OTUB1: variants seen among roughly 807,000 people sequenced by gnomAD.
The protein encoded by OTUB1 is ubiquitin thioesterase OTUB1.
Under a neutral mutation model 35.8 loss-of-function variants are expected in OTUB1, and 10 were observed. The ratio of observed to expected loss-of-function variants is 0.28; its 90% CI spans 0.17 to 0.47. OTUB1 has a LOEUF of 0.47. Ranked by LOEUF, OTUB1 falls within the 20% of genes least tolerant of loss-of-function variation. The pLI is 0.99. For synonymous variants in OTUB1, 158 were observed against 143.8 expected (o/e 1.10, Z -0.71); for missense variants, 264 against 351.6 (o/e 0.75, Z 1.99).
intron 2 of OTUB1, 22 bp from the exon 3 acceptor site, chr11:63,988,632 G>T: frequency 6.3e-7 from 1 of 1,576,644 alleles, no homozygotes; most frequent in South Asian, 1.1e-5. Flanking sequence ...GCTAGGACAT[G>T]ACAGATCCCT....
intron 3 of OTUB1, 71 bp downstream of exon 3, chr11:63,988,823 C>T (rs1306755617): frequency 4.2e-6 from 4 of 957,486 alleles, no homozygotes; most frequent in Non-Finnish European, 6.8e-6. Flanking sequence ...TTCAGACTTG[C>T]TTCCTGCTGG....
At chr11:63,989,015 A>AG in intron 3 of OTUB1, 1 of 309,158 alleles carries the variant, frequency 3.2e-6, no homozygotes. Flanking sequence ...ACTTCATCTC[A>AG]GAAAAAAAAA....
chr11:63,988,975 T>C, intron 3 of OTUB1: 1 of 473,412 alleles, frequency 2.1e-6, no homozygotes, highest in Non-Finnish European at 3.8e-6. Flanking sequence ...GATCACACCA[T>C]TGCACTCCAG....
In OTUB1 at chr11:63,988,772, G is replaced by T; in HGVS notation, c.219+20G>T. On this transcript the variant is annotated intron_variant, in intron 3 of 6. Transcript: ENST00000538426. ...ATCAAGGTGGGAGCCTGGCCAGAGC[G>T]GGTGGGAAGCACCCTGGGGGTGGGG... 3 of 1,550,162 alleles carry T rather than the reference G, an allele frequency of 1.9e-6. No homozygotes were observed. The highest frequency in any genetic ancestry group is 1.1e-5 in the South Asian group (1 of 89,784).
chr11:63,987,566 C>G (rs1162161693), intron 1 of OTUB1, among the ~76,000 whole-genome samples: 1 of 152,162 alleles, frequency 6.6e-6, no homozygotes, highest in Non-Finnish European at 1.5e-5. Context: ...ATGTGGTAGC[C>G]AAGGAGAGGT....
chr11:63,997,467 C>T lies in OTUB1; in HGVS notation c.737C>T (p.Pro246Leu), dbSNP rs753233012. ...MDRGEGGTTNPHIFPEGSEPK... is the reference protein window; with the variant it reads ...MDRGEGGTTNLHIFPEGSEPK... ...CGCGGCGAGGGCGGCACCACCAATC[C>T]GCACATCTTCCCTGAGGGCTCCGAG... The change falls in exon 7 of 7, where the codon CCG (proline) becomes CTG (leucine). Residue 246 changes from proline (P) to leucine (L), a missense_variant. Physicochemically the swap from Pro to Leu is moderately conservative, Grantham distance 98. Around this residue, in one of 2 missense-constraint regions of OTUB1, gnomAD observed 214 missense variants for 317.1 expected, o/e 0.67. Transcript: ENST00000538426. 3.1e-6 allele frequency: 5 copies of T among 1,614,138 alleles called. No homozygotes were observed. Among genetic ancestry groups the T allele is most frequent in the African/African-American group, 1.3e-5 (1 of 75,052 alleles).
intron 3 of OTUB1, chr11:63,990,584 TTAAAAAAATAAAAAAATAAA>T (rs1182669834): frequency 2.9e-4 from 29 of 101,512 alleles, no homozygotes; most frequent in African/African-American, 1.6e-3. Context: ...GACCTGTCTC[TTAAAAAAATAAAAAAATAAA>T]TAAATAAATA....
Position 63,997,924 on chromosome 11 carries a change from C to G in OTUB1, c.*378C>G, listed in dbSNP as rs1942740895. The G allele has an allele frequency of 3.3e-6, 2 of 603,516 alleles. No individual in the cohort carries two copies. The highest frequency in any genetic ancestry group is 5.5e-5 in the East Asian group (2 of 36,298). 37.4% of individuals were successfully genotyped at this position (603,516 alleles called of 1,614,324 possible). A position where few individuals can be genotyped will look rare whatever the true frequency, so the allele number is the denominator to read the frequency against. ...GGGCTTCTATGGGATCCTGGAAGTT[C>G]CTTAGGGACTTGCCCAGGGTCCCAG... is the stretch of plus-strand genomic sequence containing the variant. On this transcript the variant is annotated 3_prime_UTR_variant, in exon 7 of 7. Transcript: ENST00000538426.
At chr11:63,986,789 T>G in intron 1 of OTUB1, 1 of 420,560 alleles carries the variant, frequency 2.4e-6, no homozygotes, top group Non-Finnish European at 4.2e-6. Context: ...CTCCGCCCTC[T>G]GCCCAACCCC....
Position 63,997,501 on chromosome 11 carries a change from C to T in OTUB1, c.771C>T (p.Val257=), listed in dbSNP as rs1392991029. 2.5e-6 allele frequency: 4 copies of T among 1,614,006 alleles called. 1 individual carries two copies. Among genetic ancestry groups the T allele is most frequent in the Admixed American group, 3.3e-5 (2 of 60,008 alleles). ...HIFPEGSEPK[V]YLLYRPGHYD... is the part of the protein sequence containing the mutation. The stretch of plus-strand genomic sequence containing the variant: ...TCCCTGAGGGCTCCGAGCCCAAGGT[C>T]TACCTTCTCTACCGGCCTGGACACT... Residue 257 remains valine, a synonymous_variant, in exon 7 of 7, where the codon GTC becomes GTT. Coordinates refer to ENST00000538426, the MANE Select transcript of OTUB1 (RefSeq NM_017670.3).
At position 63,998,031 on chromosome 11, in the gene OTUB1, CACCGG is replaced by C; in HGVS notation, c.*486_*490del. ...CCCCAGACCCCAGCTTCCTGCCCTC[CACCGG>C]GAGTCTGCATGGTTGGGAGTCCTGG... On this transcript the variant is annotated 3_prime_UTR_variant, in exon 7 of 7. Coordinates refer to ENST00000538426, the MANE Select transcript of OTUB1 (RefSeq NM_017670.3). 1 of 506,556 alleles carries C rather than the reference CACCGG, an allele frequency of 2.0e-6. No individual in the cohort carries two copies. Among genetic ancestry groups the C allele is most frequent in the Non-Finnish European group, 3.5e-6 (1 of 282,154 alleles). 31.4% of individuals were successfully genotyped at this position (506,556 alleles called of 1,614,324 possible). A position where few individuals can be genotyped will look rare whatever the true frequency, so the allele number is the denominator to read the frequency against.
rs775649223 is a variant in OTUB1 at position 63,988,801 on chromosome 11, G to A, written c.219+49G>A. 65 of 1,218,770 alleles carry A rather than the reference G, an allele frequency of 5.3e-5. No individual in the cohort carries two copies. In the Middle Eastern group the frequency reaches 6.6e-4, roughly 12 times the overall value. 75.5% of individuals were successfully genotyped at this position (1,218,770 alleles called of 1,614,324 possible). ...GGGAAGCACCCTGGGGGTGGGGCAG[G>A]AGGGTGCCTGCTTCAGACTTGCTTC... On this transcript the variant is annotated intron_variant, in intron 3 of 6. Coordinates refer to ENST00000538426, the MANE Select transcript of OTUB1 (RefSeq NM_017670.3).
At position 63,988,723 on chromosome 11, in the gene OTUB1, G is replaced by A; in HGVS notation, c.190G>A (p.Asp64Asn). ...LSVLYKEYAE[D>N]DNIYQQKIKD... ...GGTCCTATACAAGGAGTATGCTGAA[G>A]ATGACAACATCTATCAACAGAAGAT... The change falls in exon 3 of 7, where the codon GAT becomes AAT. Residue 64 changes from aspartate to asparagine, a missense_variant. Physicochemically the swap from Asp to Asn is conservative, Grantham distance 23. This residue lies in a region of OTUB1 where 214 missense variants were observed against 317.1 expected (regional missense o/e 0.67). Transcript: ENST00000538426. 4.3e-6 allele frequency: 7 copies of A among 1,612,836 alleles called. No homozygotes were observed. Among genetic ancestry groups the A allele is most frequent in the Non-Finnish European group, 5.9e-6 (7 of 1,179,362 alleles).
chr11:63,996,701 CG>C, intron 4 of OTUB1, 53 bp downstream of exon 4: 1 of 1,613,644 alleles, frequency 6.2e-7, no homozygotes, highest in Non-Finnish European at 8.5e-7. Flanking sequence ...ACCTCCTCCC[CG>C]GGCGAGTAGG....
intron 2 of OTUB1, 106 bp from the exon 3 acceptor site, chr11:63,988,548 C>A: frequency 8.0e-7 from 1 of 1,255,162 alleles, no homozygotes; most frequent in Non-Finnish European, 1.2e-6. Flanking sequence ...CTGGGGGTCG[C>A]TGTGCCACCG....
At chr11:63,992,377 G>GCA (rs1942680306) in intron 3 of OTUB1, among the ~76,000 whole-genome samples, 1 of 151,034 alleles carries the variant, frequency 6.6e-6, no homozygotes, top group Non-Finnish European at 1.5e-5. Context: ...CGAGGCGAGA[G>GCA]GGCACCTGGA....
At chr11:63,987,445 C>T (rs2134304288) in intron 1 of OTUB1, among the ~76,000 whole-genome samples, 1 of 152,286 alleles carries the variant, frequency 6.6e-6, no homozygotes, top group Admixed American at 6.5e-5. Context: ...ACAGTGGGGT[C>T]CATAGGGTGG....
chr11:63,996,696 C>G (rs1942720822), intron 4 of OTUB1, 48 bp downstream of exon 4: 7 of 1,613,914 alleles, frequency 4.3e-6, no homozygotes, highest in Non-Finnish European at 5.9e-6. Context: ...TGTCTACCTC[C>G]TCCCCGGGCG....
chr11:63,996,681 G>A lies in OTUB1; in HGVS notation c.338+33G>A, dbSNP rs779415754. ...GGGTGGGCACTGGGCACCGAGGCAG[G>A]TGGGTGTCTACCTCCTCCCCGGGCG... is the stretch of plus-strand genomic sequence containing the variant. On this transcript the variant is annotated intron_variant, in intron 4 of 6. Coordinates refer to ENST00000538426, the MANE Select transcript of OTUB1 (RefSeq NM_017670.3). The A allele has an allele frequency of 6.2e-6, 10 of 1,614,030 alleles. No individual in the cohort carries two copies. In the Middle Eastern group the frequency reaches 4.9e-4, roughly 80 times the overall value.
Sources: allele counts gnomAD v4.1 joint callset (sites outside exome capture counted in the v4.1 genomes callset), GRCh38; gene constraint gnomAD v4.1.1; regional missense constraint gnomAD v4.1.1; transcripts MANE v1.5; gene names NCBI Gene and HGNC (gene_info 2026-07-23, HGNC 2026-07-21).